Variants in NSMCE2 observed in about 807,000 individuals in gnomAD.
NSMCE2 encodes the protein E3 SUMO-protein ligase NSE2.
In NSMCE2, 24 loss-of-function variants were observed where a neutral mutation model predicts 23.8. That is an observed-to-expected ratio of 1.01 (90% CI 0.73 to 1.42). The LOEUF (loss-of-function observed/expected upper bound fraction) is 1.42, where lower values mean the gene tolerates loss of function less well. Ranked by LOEUF, NSMCE2 falls within the 40% of genes most tolerant of loss-of-function variation. The pLI, the probability that NSMCE2 is intolerant of heterozygous loss-of-function variation, is 0.00. For synonymous variants in NSMCE2, 92 were observed against 94.1 expected (o/e 0.98, Z 0.13); for missense variants, 284 against 296.5 (o/e 0.96, Z 0.31).
chr8:125,341,379 C>A (rs1225319404), intron 5 of NSMCE2, among the ~76,000 whole-genome samples: 1 of 152,124 alleles, frequency 6.6e-6, no homozygotes, highest in Non-Finnish European at 1.5e-5. Flanking sequence ...TTTCTTCTCT[C>A]TTTTTCTCCT....
At chr8:125,234,407 T>C (rs1166833773) in intron 5 of NSMCE2, among the ~76,000 whole-genome samples, 2 of 152,242 alleles carry the variant, frequency 1.3e-5, no homozygotes, top group Non-Finnish European at 2.9e-5. Flanking sequence ...AGGCAGGCTT[T>C]TTCAAATATA....
intron 5 of NSMCE2, among the ~76,000 whole-genome samples, chr8:125,233,774 A>G (rs1038062278): frequency 2.6e-5 from 4 of 152,174 alleles, no homozygotes; most frequent in Admixed American, 2.0e-4. Flanking sequence ...GGTTTCTGTC[A>G]GAGACATCAC....
At position 125,355,722 on chromosome 8, in the gene NSMCE2, A is replaced by C. The variant is rs183473263; in HGVS notation, c.419-1497A>C. Among the ~76,000 whole-genome samples, 283 of 149,958 alleles carry C rather than the reference A, an allele frequency of 1.9e-3. 2 individuals carry two copies. The highest frequency in any genetic ancestry group is 6.0e-3 in the African/African-American group (242 of 40,498). On this transcript the variant is annotated intron_variant, in intron 5 of 7. Coordinates refer to ENST00000287437, the MANE Select transcript of NSMCE2 (RefSeq NM_173685.4). ...CTCAAAAAAAAAAAAAAAAAAAAAA[A>C]GCTATTGATCTTTAACTTCTGTGCA... is the stretch of plus-strand genomic sequence containing the variant.
intron 5 of NSMCE2, among the ~76,000 whole-genome samples, chr8:125,301,793 G>A (rs1185256908): frequency 1.3e-5 from 2 of 151,820 alleles, no homozygotes; most frequent in African/African-American, 4.8e-5. Flanking sequence ...CTCCCGAGTA[G>A]CTGGGATTAT....
rs539175339 is a variant in NSMCE2, at chr8:125,124,683, G to A, written c.157+22196G>A. On this transcript the variant is annotated intron_variant, in intron 3 of 7. Coordinates refer to ENST00000287437, the MANE Select transcript of NSMCE2 (RefSeq NM_173685.4). ...TGTAGAGACAAGGTCTTGCTATGTTGGATTGGCTGGTCATGAACTCCTGGG... is the reference window on the plus strand; with the variant it reads ...TGTAGAGACAAGGTCTTGCTATGTTAGATTGGCTGGTCATGAACTCCTGGG... Among the ~76,000 whole-genome samples the A allele has an allele frequency of 1.7e-4, 26 of 152,126 alleles. No homozygotes were observed. In the South Asian group the frequency reaches 2.3e-3, roughly 13 times the overall value.
chr8:125,211,373 T>G (rs570656453), intron 5 of NSMCE2, among the ~76,000 whole-genome samples: 7 of 152,234 alleles, frequency 4.6e-5, no homozygotes, highest in Middle Eastern at 3.2e-3. Flanking sequence ...TATTGGATAC[T>G]CTGTTCTACT....
chr8:125,131,712 A>G (rs1354740405), intron 3 of NSMCE2, among the ~76,000 whole-genome samples: 1 of 152,152 alleles, frequency 6.6e-6, no homozygotes, highest in Non-Finnish European at 1.5e-5. Context: ...GGCACCTGGG[A>G]TGTATATTTT....
At chr8:125,228,965 C>T (rs1292183480) in intron 5 of NSMCE2, among the ~76,000 whole-genome samples, 1 of 152,154 alleles carries the variant, frequency 6.6e-6, no homozygotes, top group Non-Finnish European at 1.5e-5. Context: ...CCTTTTTTCA[C>T]TATACCAGAT....
chr8:125,194,005 A>G (rs1314220314), intron 5 of NSMCE2, among the ~76,000 whole-genome samples: 1 of 152,200 alleles, frequency 6.6e-6, no homozygotes, highest in Non-Finnish European at 1.5e-5. Flanking sequence ...CTCTTTGTAT[A>G]TGTTGAAAGA....
At chr8:125,247,141 C>G (rs903266690) in intron 5 of NSMCE2, among the ~76,000 whole-genome samples, 27 of 150,958 alleles carry the variant, frequency 1.8e-4, no homozygotes, top group African/African-American at 6.1e-4. Flanking sequence ...CCAGCCTGGG[C>G]AACATGGTGA....
intron 3 of NSMCE2, among the ~76,000 whole-genome samples, chr8:125,147,919 G>T (rs913469164): frequency 6.6e-6 from 1 of 152,162 alleles, no homozygotes; most frequent in African/African-American, 2.4e-5. Flanking sequence ...ACGTTCTCAT[G>T]ACCTGTCTTT....
chr8:125,293,697 G>A (rs1011497367), intron 5 of NSMCE2, among the ~76,000 whole-genome samples: 10 of 152,160 alleles, frequency 6.6e-5, no homozygotes, highest in African/African-American at 2.2e-4. Context: ...TAGCTGATGG[G>A]TTAAACACTG....
intron 5 of NSMCE2, chr8:125,348,822 G>A (rs1476023010): frequency 6.6e-6 from 1 of 152,010 alleles, no homozygotes; most frequent in African/African-American, 2.4e-5. Flanking sequence ...ACCCAGTCTT[G>A]GATGTGTCTT....
chr8:125,248,161 T>C (rs574559069), intron 5 of NSMCE2, among the ~76,000 whole-genome samples: 3 of 152,294 alleles, frequency 2.0e-5, no homozygotes, highest in Admixed American at 2.0e-4. Context: ...GAAACTAAAG[T>C]GTGAAAAGAA....
At chr8:125,325,501 C>T (rs753159432) in intron 5 of NSMCE2, among the ~76,000 whole-genome samples, 5 of 152,014 alleles carry the variant, frequency 3.3e-5, no homozygotes, top group Non-Finnish European at 5.9e-5. Flanking sequence ...AAGCACATAC[C>T]ACCACACCTG....
intron 5 of NSMCE2, among the ~76,000 whole-genome samples, chr8:125,247,140 G>A (rs1826012745): frequency 6.6e-6 from 1 of 150,974 alleles, no homozygotes; most frequent in African/African-American, 2.4e-5. Flanking sequence ...ACCAGCCTGG[G>A]CAACATGGTG....
chr8:125,350,270 G>C (rs1225833243), intron 5 of NSMCE2, among the ~76,000 whole-genome samples: 4 of 152,188 alleles, frequency 2.6e-5, no homozygotes, highest in Non-Finnish European at 5.9e-5. Context: ...TTTAGCTTGG[G>C]ACATCAGAGA....
intron 5 of NSMCE2, among the ~76,000 whole-genome samples, chr8:125,275,011 A>G (rs749214302): frequency 0.066 from 9,010 of 135,688 alleles, 362 homozygotes; most frequent in Non-Finnish European, 0.087. Context: ...TAATAATAAT[A>G]ATAATAATAA....
intron 5 of NSMCE2, among the ~76,000 whole-genome samples, chr8:125,253,090 G>A (rs1826262122): frequency 1.3e-5 from 2 of 152,192 alleles, no homozygotes; most frequent in African/African-American, 2.4e-5. Flanking sequence ...CATGATTTCC[G>A]ATTGGAAAGA....
Sources: gnomAD v4.1 joint callset for allele counts (sites outside exome capture counted in the v4.1 genomes callset) on GRCh38, gnomAD v4.1.1 for gene constraint, MANE v1.5 for transcripts, NCBI Gene and HGNC (gene_info 2026-07-23, HGNC 2026-07-21) for gene names.